GRM5: variants seen among roughly 807,000 people sequenced by gnomAD.
GRM5 encodes metabotropic glutamate receptor 5.
A neutral mutation model predicts 83.1 loss-of-function variants in GRM5; 19 were observed. The ratio of observed to expected loss-of-function variants is 0.23; its 90% CI spans 0.16 to 0.34. GRM5 has a LOEUF of 0.34. Ranked by LOEUF, GRM5 falls within the 10% of genes least tolerant of loss-of-function variation. The pLI is 1.00. For missense variants in GRM5, 1,160 were observed against 1,588.3 expected (o/e 0.73, Z 4.58); for synonymous variants, 675 against 633.6 (o/e 1.07, Z -0.98).
At position 88,771,933 on chromosome 11, in the gene GRM5, T is replaced by C. The variant is rs529380471; in HGVS notation, c.911+77973A>G. Among the ~76,000 whole-genome samples the C allele has an allele frequency of 5.9e-5, 9 of 152,272 alleles. No homozygotes were observed. The South Asian group carries it at 1.9e-3, about 32-fold the overall frequency. ...CACTATGGTTTTGTCTTTTTGAGAA[T>C]GTCATAAACATGAAATCATGTAGTT... On this transcript the variant is annotated intron_variant, in intron 3 of 9. Transcript: ENST00000305447.
intron 3 of GRM5, among the ~76,000 whole-genome samples, chr11:88,662,165 A>G (rs1367373503): frequency 1.3e-5 from 2 of 152,152 alleles, no homozygotes; most frequent in East Asian, 3.9e-4. Context: ...GATAATTATT[A>G]GCCCTAGTTT....
intron 3 of GRM5, among the ~76,000 whole-genome samples, chr11:88,845,902 A>T (rs905304653): frequency 6.6e-6 from 1 of 152,242 alleles, no homozygotes; most frequent in African/African-American, 2.4e-5. Flanking sequence ...GTAAAGATAA[A>T]GAATAATATC....
At chr11:88,852,752 T>C (rs1024780123) in intron 2 of GRM5, among the ~76,000 whole-genome samples, 1 of 152,114 alleles carries the variant, frequency 6.6e-6, no homozygotes, top group Non-Finnish European at 1.5e-5. Flanking sequence ...CAGAATATAA[T>C]TTTGATTTAA....
intron 3 of GRM5, among the ~76,000 whole-genome samples, chr11:88,717,390 C>A (rs1360667746): frequency 6.6e-6 from 1 of 151,818 alleles, no homozygotes; most frequent in Non-Finnish European, 1.5e-5. Flanking sequence ...TGTATCTAAG[C>A]ATTAGGCTTT....
chr11:88,911,395 A>C (rs1945495916), intron 2 of GRM5, among the ~76,000 whole-genome samples: 1 of 152,172 alleles, frequency 6.6e-6, no homozygotes, highest in Non-Finnish European at 1.5e-5. Context: ...AAAATGAATA[A>C]TTAAATAAGC....
chr11:88,713,966 C>CTT (rs1480085593), intron 3 of GRM5, among the ~76,000 whole-genome samples: 1 of 151,894 alleles, frequency 6.6e-6, no homozygotes, highest in Non-Finnish European at 1.5e-5. Context: ...AAGATTGACA[C>CTT]TTTGTAAAAT....
At chr11:88,664,207 C>T (rs539627292) in intron 3 of GRM5, among the ~76,000 whole-genome samples, 1 of 151,888 alleles carries the variant, frequency 6.6e-6, no homozygotes, top group Admixed American at 6.6e-5. Context: ...TTTTTTCCTA[C>T]CAAACATTGT....
At chr11:89,024,073 G>T (rs1941064297) in intron 2 of GRM5, among the ~76,000 whole-genome samples, 1 of 151,328 alleles carries the variant, frequency 6.6e-6, no homozygotes. Context: ...AAAATTAGTT[G>T]GGCGTGGTGG....
chr11:89,049,883 A>C (rs555840148), intron 1 of GRM5, among the ~76,000 whole-genome samples: 1 of 152,300 alleles, frequency 6.6e-6, no homozygotes, highest in South Asian at 2.1e-4. Flanking sequence ...CTTAGACCCA[A>C]GCTTAAAATA....
intron 2 of GRM5, among the ~76,000 whole-genome samples, chr11:89,041,776 CG>C (rs1291857031): frequency 6.6e-6 from 1 of 152,150 alleles, no homozygotes; most frequent in Non-Finnish European, 1.5e-5. Context: ...TCCCAGATTA[CG>C]GATCCAGATC....
chr11:88,603,325 TAC>T (rs145943616), intron 5 of GRM5, among the ~76,000 whole-genome samples: 3 of 152,280 alleles, frequency 2.0e-5, no homozygotes, highest in Non-Finnish European at 4.4e-5. Flanking sequence ...TTGGTGGAGC[TAC>T]AGTCATCAGA....
chr11:88,953,269 G>A (rs1442536206), intron 2 of GRM5, among the ~76,000 whole-genome samples: 1 of 152,156 alleles, frequency 6.6e-6, no homozygotes, highest in Non-Finnish European at 1.5e-5. Flanking sequence ...ATTCATTGTA[G>A]TGTATACACA....
chr11:88,936,120 T>A (rs1015599655), intron 2 of GRM5, among the ~76,000 whole-genome samples: 3 of 151,846 alleles, frequency 2.0e-5, no homozygotes, highest in African/African-American at 7.2e-5. Context: ...GAAAAGTGTG[T>A]CAGAAAGACT....
At chr11:89,061,334 C>T (rs1941988478) in intron 1 of GRM5, among the ~76,000 whole-genome samples, 1 of 152,098 alleles carries the variant, frequency 6.6e-6, no homozygotes, top group South Asian at 2.1e-4. Flanking sequence ...CTCACATTTT[C>T]TACTTGTAGT....
chr11:88,941,485 AG>A (rs1938098335), intron 2 of GRM5, among the ~76,000 whole-genome samples: 2 of 72,536 alleles, frequency 2.8e-5, no homozygotes, highest in African/African-American at 2.2e-4. Context: ...GGGAGGGGAG[AG>A]GAGGGGAGAG....
At chr11:88,713,572 T>C (rs1941330396) in intron 3 of GRM5, among the ~76,000 whole-genome samples, 1 of 152,050 alleles carries the variant, frequency 6.6e-6, no homozygotes, top group Non-Finnish European at 1.5e-5. Flanking sequence ...TGAAGAATAT[T>C]TACCCATCTT....
intron 2 of GRM5, among the ~76,000 whole-genome samples, chr11:89,002,367 A>G (rs1275015353): frequency 6.6e-6 from 1 of 152,124 alleles, no homozygotes; most frequent in African/African-American, 2.4e-5. Context: ...CAAGAACATT[A>G]GATAAAGTGC....
chr11:88,694,958 G>A (rs1040170638), intron 3 of GRM5, among the ~76,000 whole-genome samples: 3 of 152,170 alleles, frequency 2.0e-5, no homozygotes, highest in African/African-American at 7.2e-5. Context: ...AAACTCCTCA[G>A]TGAAGCATCT....
intron 3 of GRM5, among the ~76,000 whole-genome samples, chr11:88,830,826 C>G (rs1442919267): frequency 1.3e-5 from 2 of 152,144 alleles, no homozygotes; most frequent in African/African-American, 4.8e-5. Flanking sequence ...TTTTGCAGTT[C>G]CACGTGCCTG....
Sources: gnomAD v4.1 joint callset for allele counts (sites outside exome capture counted in the v4.1 genomes callset) on GRCh38, gnomAD v4.1.1 for gene constraint, MANE v1.5 for transcripts, NCBI Gene and HGNC (gene_info 2026-07-23, HGNC 2026-07-21) for gene names.